GRM7: variants seen among roughly 807,000 people sequenced by gnomAD.
The protein encoded by GRM7 is metabotropic glutamate receptor 7.
A neutral mutation model predicts 84.5 loss-of-function variants in GRM7; 35 were observed. The ratio of observed to expected loss-of-function variants is 0.41; its 90% CI spans 0.32 to 0.55. The LOEUF is 0.55. Ranked by LOEUF, GRM7 falls within the 20% of genes least tolerant of loss-of-function variation. The pLI is 0.19. For synonymous variants in GRM7, 487 were observed against 455.1 expected, an observed-to-expected ratio of 1.07 and a Z score of -0.89; for missense variants, 1,003 against 1,194.6, an observed-to-expected ratio of 0.84 and a Z score of 2.36.
intron 1 of GRM7, among the ~76,000 whole-genome samples, chr3:7,108,674 T>A (rs1427641373): frequency 2.0e-5 from 3 of 152,072 alleles, no homozygotes; most frequent in Non-Finnish European, 4.4e-5. Context: ...CACACCAGAT[T>A]AGAGGCCACT....
At chr3:7,565,834 C>G (rs1694230890) in intron 7 of GRM7, among the ~76,000 whole-genome samples, 1 of 152,168 alleles carries the variant, frequency 6.6e-6, no homozygotes. Context: ...AAGGATGATT[C>G]AACTCTCTAA....
At chr3:7,311,579 G>T (rs1486050954) in intron 4 of GRM7, among the ~76,000 whole-genome samples, 1 of 149,318 alleles carries the variant, frequency 6.7e-6, no homozygotes, top group South Asian at 2.1e-4. Flanking sequence ...CAATCTTATG[G>T]CACTTGTGTT....
intron 7 of GRM7, among the ~76,000 whole-genome samples, chr3:7,540,217 C>G (rs977521413): frequency 6.6e-6 from 1 of 152,116 alleles, no homozygotes; most frequent in Non-Finnish European, 1.5e-5. Flanking sequence ...GACCCAGCAA[C>G]TCCATTCTTA....
chr3:7,481,025 G>C (rs1290978678), intron 7 of GRM7, among the ~76,000 whole-genome samples: 2 of 151,916 alleles, frequency 1.3e-5, no homozygotes, highest in East Asian at 3.8e-4. Flanking sequence ...GGGCAAACAC[G>C]GACAGGGCCA....
At chr3:6,954,499 C>T (rs1265569935) in intron 1 of GRM7, among the ~76,000 whole-genome samples, 1 of 152,136 alleles carries the variant, frequency 6.6e-6, no homozygotes, top group South Asian at 2.1e-4. Flanking sequence ...GGTCTGAACA[C>T]CTGTAACTGA....
intron 1 of GRM7, among the ~76,000 whole-genome samples, chr3:7,012,300 T>C (rs1259758236): frequency 7.9e-5 from 12 of 152,204 alleles, no homozygotes. Flanking sequence ...GCCTGATACT[T>C]TGGTTTTTAA....
At chr3:7,134,505 A>G (rs572446151) in intron 1 of GRM7, among the ~76,000 whole-genome samples, 1 of 152,172 alleles carries the variant, frequency 6.6e-6, no homozygotes, top group Non-Finnish European at 1.5e-5. Flanking sequence ...TTTATTTTAA[A>G]AAAAGTTCCT....
intron 1 of GRM7, among the ~76,000 whole-genome samples, chr3:6,965,562 T>G (rs907150018): frequency 1.3e-5 from 2 of 152,054 alleles, no homozygotes; most frequent in African/African-American, 4.8e-5. Context: ...CTTGCATTTC[T>G]GGACTCAAGA....
chr3:7,386,286 T>A lies in GRM7; in HGVS notation c.1034-28737T>A, dbSNP rs55751130. ...GTTCTTTTTTAATGTTTTTAAAAAATTTTAGATTCGGGAGTTCCTTTGCAG... is the reference window on the plus strand; with the variant it reads ...GTTCTTTTTTAATGTTTTTAAAAAAATTTAGATTCGGGAGTTCCTTTGCAG... On this transcript the variant is annotated intron_variant, in intron 4 of 9. Transcript: ENST00000357716. Among the ~76,000 whole-genome samples the A allele has an allele frequency of 4.3e-3, 657 of 152,292 alleles. 3 individuals are homozygous for A. Among genetic ancestry groups the A allele is most frequent in the African/African-American group, 0.015 (605 of 41,560 alleles).
intron 9 of GRM7, among the ~76,000 whole-genome samples, chr3:7,713,112 G>A (rs535934495): frequency 1.4e-5 from 2 of 138,530 alleles, no homozygotes; most frequent in Non-Finnish European, 3.1e-5. Context: ...GAGAGGATTC[G>A]AATTTTGTTT....
chr3:6,967,589 C>A (rs1249601719), intron 1 of GRM7, among the ~76,000 whole-genome samples: 1 of 152,158 alleles, frequency 6.6e-6, no homozygotes, highest in East Asian at 1.9e-4. Flanking sequence ...TAATATACAT[C>A]ATAAATTATC....
chr3:7,301,721 A>G (rs1401059792), intron 3 of GRM7, among the ~76,000 whole-genome samples: 2 of 152,196 alleles, frequency 1.3e-5, no homozygotes, highest in African/African-American at 2.4e-5. Context: ...AGTGATGACA[A>G]TAATTATTCT....
chr3:7,016,658 G>A (rs1695576313), intron 1 of GRM7, among the ~76,000 whole-genome samples: 1 of 152,202 alleles, frequency 6.6e-6, no homozygotes, highest in Admixed American at 6.5e-5. Context: ...AGTTTTAAAA[G>A]TAGAGGATTA....
chr3:7,251,348 TC>T (rs1402212527), intron 2 of GRM7, among the ~76,000 whole-genome samples: 1 of 152,236 alleles, frequency 6.6e-6, no homozygotes, highest in Non-Finnish European at 1.5e-5. Context: ...ATTAAGTTAT[TC>T]TCCGAAGTGA....
At chr3:7,202,931 C>G (rs991150267) in intron 2 of GRM7, among the ~76,000 whole-genome samples, 2 of 152,084 alleles carry the variant, frequency 1.3e-5, no homozygotes, top group African/African-American at 4.8e-5. Flanking sequence ...TGTATTCTTT[C>G]ATTGACACAT....
intron 7 of GRM7, among the ~76,000 whole-genome samples, chr3:7,564,107 T>C (rs976754906): frequency 6.6e-6 from 1 of 152,172 alleles, no homozygotes; most frequent in Non-Finnish European, 1.5e-5. Flanking sequence ...TGGTCATCAC[T>C]GGGGACAAAG....
intron 4 of GRM7, among the ~76,000 whole-genome samples, chr3:7,404,128 G>GAA (rs1695575465): frequency 6.6e-6 from 1 of 152,078 alleles, no homozygotes; most frequent in African/African-American, 2.4e-5. Context: ...GTGTAGACCA[G>GAA]GGTGTAAACT....
chr3:7,136,450 G>A (rs1284689346), intron 1 of GRM7, among the ~76,000 whole-genome samples: 3 of 152,020 alleles, frequency 2.0e-5, no homozygotes, highest in African/African-American at 7.2e-5. Flanking sequence ...CAAAAACAGA[G>A]TGAGCAGCTT....
At chr3:7,507,672 A>C (rs1700079033) in intron 7 of GRM7, among the ~76,000 whole-genome samples, 1 of 152,222 alleles carries the variant, frequency 6.6e-6, no homozygotes, top group African/African-American at 2.4e-5. Context: ...GTTGATTATT[A>C]ACTGGTAGTT....
Sources: allele counts gnomAD v4.1 joint callset (sites outside exome capture counted in the v4.1 genomes callset), GRCh38; gene constraint gnomAD v4.1.1; transcripts MANE v1.5; gene names NCBI Gene and HGNC (gene_info 2026-07-23, HGNC 2026-07-21).